SUPT3H: variants seen among roughly 807,000 people sequenced by gnomAD.
SUPT3H encodes the protein transcription initiation protein SPT3 homolog.
In SUPT3H, 44 loss-of-function variants were observed where a neutral mutation model predicts 44.3. The observed-to-expected ratio is 0.99, with a 90% CI of 0.78 to 1.28. SUPT3H has a LOEUF of 1.28. Among genes scored for constraint, SUPT3H ranks in the 50% most tolerant of loss-of-function variants. SUPT3H has a pLI of 0.00. For synonymous variants in SUPT3H, 124 were observed against 125.6 expected, an observed-to-expected ratio of 0.99 and a Z score of 0.09; for missense variants, 380 against 387.1, an observed-to-expected ratio of 0.98 and a Z score of 0.15.
chr6:44,878,357 A>G (rs1777632325), intron 10 of SUPT3H, among the ~76,000 whole-genome samples: 1 of 152,216 alleles, frequency 6.6e-6, no homozygotes, highest in South Asian at 2.1e-4. Context: ...ACTCTTTTAA[A>G]AACAACGTGC....
chr6:45,025,314 T>C (rs1191635635), intron 3 of SUPT3H, among the ~76,000 whole-genome samples: 1 of 152,198 alleles, frequency 6.6e-6, no homozygotes, highest in Non-Finnish European at 1.5e-5. Flanking sequence ...TCATAATAGC[T>C]TAATTGCACT....
At chr6:45,055,348 A>C (rs750775972) in intron 3 of SUPT3H, among the ~76,000 whole-genome samples, 1 of 152,220 alleles carries the variant, frequency 6.6e-6, no homozygotes, top group Non-Finnish European at 1.5e-5. Flanking sequence ...ACCAAAAAGA[A>C]GGCTGCATAG....
chr6:44,996,432 T>C (rs1247046541), intron 6 of SUPT3H, among the ~76,000 whole-genome samples: 1 of 151,926 alleles, frequency 6.6e-6, no homozygotes, highest in Non-Finnish European at 1.5e-5. Context: ...TTAATAATTT[T>C]TGTGTTTTTG....
intron 2 of SUPT3H, among the ~76,000 whole-genome samples, chr6:45,208,222 A>G (rs1379521214): frequency 1.3e-5 from 2 of 152,212 alleles, no homozygotes; most frequent in African/African-American, 2.4e-5. Flanking sequence ...AGACCAAGGC[A>G]TTAATTCTTC....
intron 8 of SUPT3H, among the ~76,000 whole-genome samples, chr6:44,954,049 T>C (rs948028217): frequency 6.6e-6 from 1 of 152,114 alleles, no homozygotes; most frequent in African/African-American, 2.4e-5. Context: ...GAATTTGCAT[T>C]TTAAACAAGA....
intron 2 of SUPT3H, among the ~76,000 whole-genome samples, chr6:45,236,177 T>G (rs1453649112): frequency 3.9e-5 from 6 of 152,200 alleles, no homozygotes; most frequent in African/African-American, 1.2e-4. Flanking sequence ...TGTGCATATG[T>G]CTTTAATTCC....
At chr6:45,031,415 C>T (rs1786919939) in intron 3 of SUPT3H, among the ~76,000 whole-genome samples, 1 of 152,102 alleles carries the variant, frequency 6.6e-6, no homozygotes, top group South Asian at 2.1e-4. Context: ...GAATCACTTT[C>T]TTGTAAAATG....
chr6:45,240,864 A>T (rs1250891424), intron 2 of SUPT3H, among the ~76,000 whole-genome samples: 1 of 152,168 alleles, frequency 6.6e-6, no homozygotes, highest in Non-Finnish European at 1.5e-5. Flanking sequence ...TGGAAAGAAT[A>T]AAAAAACATC....
intron 2 of SUPT3H, among the ~76,000 whole-genome samples, chr6:45,175,862 T>A (rs558979253): frequency 6.6e-6 from 1 of 152,358 alleles, no homozygotes; most frequent in East Asian, 1.9e-4. Flanking sequence ...TAGATACCAG[T>A]TATTCTCATG....
At chr6:44,970,308 C>G (rs1422036298) in intron 6 of SUPT3H, among the ~76,000 whole-genome samples, 7 of 152,112 alleles carry the variant, frequency 4.6e-5, no homozygotes, top group African/African-American at 1.4e-4. Context: ...TATTTCCCAT[C>G]TTGGGATAAA....
At position 44,826,773 on chromosome 6, in the gene SUPT3H, A is replaced by G. The variant is rs369036274; in HGVS notation, c.*3043T>C. Among the ~76,000 whole-genome samples, 1 of 152,208 alleles carries G rather than the reference A, an allele frequency of 6.6e-6. No homozygotes were observed. Among genetic ancestry groups the G allele is most frequent in the African/African-American group, 2.4e-5 (1 of 41,456 alleles). Reference sequence around the variant, plus strand: ...CCAGTTATGTTTATTTGTCTTCTACATGGTAAAAGCATCAGACATGGCTTG... The same window carrying G: ...CCAGTTATGTTTATTTGTCTTCTACGTGGTAAAAGCATCAGACATGGCTTG... On this transcript the variant is annotated 3_prime_UTR_variant, in exon 11 of 11. Transcript: ENST00000371459.
chr6:45,027,284 C>T (rs185916177), intron 3 of SUPT3H, among the ~76,000 whole-genome samples: 15 of 152,256 alleles, frequency 9.9e-5, no homozygotes, highest in Non-Finnish European at 1.9e-4. Context: ...TAGGAGCTAC[C>T]GTGCCCAGAC....
At chr6:45,256,412 G>T (rs978369995) in intron 2 of SUPT3H, among the ~76,000 whole-genome samples, 1 of 152,044 alleles carries the variant, frequency 6.6e-6, no homozygotes, top group Non-Finnish European at 1.5e-5. Context: ...AGGGGTAAAG[G>T]CTCCCTCAAG....
chr6:45,115,141 T>C (rs1463538017), intron 2 of SUPT3H, among the ~76,000 whole-genome samples: 3 of 152,200 alleles, frequency 2.0e-5, no homozygotes, highest in Admixed American at 2.0e-4. Flanking sequence ...TAAAGCAAAC[T>C]GTAAAGCATG....
At chr6:45,162,264 T>G (rs1485370069) in intron 2 of SUPT3H, among the ~76,000 whole-genome samples, 2 of 151,878 alleles carry the variant, frequency 1.3e-5, no homozygotes, top group East Asian at 3.9e-4. Flanking sequence ...GTGTAGTGCT[T>G]GTAATCCCAG....
At chr6:44,892,987 T>C (rs897402936) in intron 10 of SUPT3H, among the ~76,000 whole-genome samples, 3 of 152,120 alleles carry the variant, frequency 2.0e-5, no homozygotes, top group Non-Finnish European at 4.4e-5. Flanking sequence ...GGATAAAAAC[T>C]AAAGAAGTCT....
intron 2 of SUPT3H, among the ~76,000 whole-genome samples, chr6:45,266,595 AAT>A (rs1423013823): frequency 1.3e-5 from 2 of 152,014 alleles, no homozygotes; most frequent in African/African-American, 2.4e-5. Flanking sequence ...AAATATTATG[AAT>A]AGACATTTGA....
rs78221050 is a variant in SUPT3H at position 45,247,905 on chromosome 6, A to G, written c.101+117296T>C. On this transcript the variant is annotated intron_variant, in intron 2 of 10. Coordinates refer to ENST00000371459, the MANE Select transcript of SUPT3H (RefSeq NM_003599.4). Reference sequence around the variant, plus strand: ...ATCAGTGGAACAGAATAGAAGGTGCAGAAATAAACCCAAAGAAATATAGTC... The same window carrying G: ...ATCAGTGGAACAGAATAGAAGGTGCGGAAATAAACCCAAAGAAATATAGTC... Among the ~76,000 whole-genome samples the G allele has an allele frequency of 2.5e-3, 374 of 152,334 alleles. 3 individuals carry two copies. The highest frequency in any genetic ancestry group is 8.7e-3 in the African/African-American group (360 of 41,578).
At chr6:44,917,377 A>G (rs1767979936) in intron 10 of SUPT3H, among the ~76,000 whole-genome samples, 1 of 152,218 alleles carries the variant, frequency 6.6e-6, no homozygotes, top group Non-Finnish European at 1.5e-5. Context: ...ACACACATAT[A>G]CGTACAATAT....
Sources: allele counts gnomAD v4.1 joint callset (sites outside exome capture counted in the v4.1 genomes callset), GRCh38; gene constraint gnomAD v4.1.1; transcripts MANE v1.5; gene names NCBI Gene and HGNC (gene_info 2026-07-23, HGNC 2026-07-21).